Variants in ACTN2 observed in about 807,000 individuals in gnomAD.
ACTN2 encodes alpha-actinin-2.
A neutral mutation model predicts 113.8 loss-of-function variants in ACTN2; 39 were observed. The observed-to-expected ratio is 0.34, with a 90% CI of 0.27 to 0.45. The LOEUF (loss-of-function observed/expected upper bound fraction) is 0.45, where lower values mean the gene tolerates loss of function less well. Among genes scored for constraint, ACTN2 ranks in the 20% least tolerant of loss-of-function variants. The pLI is 1.00. For synonymous variants in ACTN2, 429 were observed against 444.1 expected, an observed-to-expected ratio of 0.97 and a Z score of 0.43; for missense variants, 992 against 1,177.9, an observed-to-expected ratio of 0.84 and a Z score of 2.31.
chr1:236,747,841 G>C, intron 13 of ACTN2, 66 bp downstream of exon 13: 2 of 1,204,640 alleles, frequency 1.7e-6, no homozygotes, highest in Non-Finnish European at 2.4e-6. Context: ...TAAATCACTG[G>C]TATTCATTGT....
chr1:236,733,140 A>G (rs1361496781), intron 7 of ACTN2, among the ~76,000 whole-genome samples: 2 of 152,206 alleles, frequency 1.3e-5, no homozygotes, highest in African/African-American at 4.8e-5. Context: ...AGCTAAGTTT[A>G]TATTTGTATG....
Position 236,744,776 on chromosome 1 carries a change from AG to A in ACTN2, c.1406+1del, listed in dbSNP as rs1460447963. On this transcript the variant is annotated splice_donor_variant, in intron 12 of 20. Coordinates refer to ENST00000366578, the MANE Select transcript of ACTN2 (RefSeq NM_001103.4). LOFTEE classifies it high-confidence loss of function. The stretch of plus-strand genomic sequence containing the variant: ...ATCGCAGCCATCGCGCAGGAGCTCA[AG>A]TATGTGCAGATGCCCTCCGTCCTCC... 1 of 1,613,998 alleles carries A rather than the reference AG, an allele frequency of 6.2e-7. No homozygotes were observed. The highest frequency in any genetic ancestry group is 8.5e-7 in the Non-Finnish European group (1 of 1,180,010).
intron 19 of ACTN2, 25 bp downstream of exon 19, chr1:236,759,814 T>G: frequency 1.9e-6 from 3 of 1,592,598 alleles, no homozygotes; most frequent in Non-Finnish European, 1.7e-6. Context: ...GAAATTGTAC[T>G]AAGATTTGAT....
intron 1 of ACTN2, among the ~76,000 whole-genome samples, chr1:236,695,212 C>CAAA (rs375917124): frequency 2.3e-5 from 3 of 129,974 alleles, no homozygotes; most frequent in East Asian, 2.2e-4. Flanking sequence ...ACTAAAAATA[C>CAAA]AAAAAAAAAA....
intron 9 of ACTN2, 101 bp downstream of exon 9, chr1:236,737,315 A>ATATGTATG (rs1428788821): frequency 3.4e-6 from 1 of 294,960 alleles, no homozygotes; most frequent in African/African-American, 2.3e-5. Flanking sequence ...ATATATATAT[A>ATATGTATG]TATTTTGCAT....
Position 236,746,165 on chromosome 1 carries a change from C to CAAA in ACTN2, c.1406+1405_1406+1407dup, listed in dbSNP as rs55953102. Among the ~76,000 whole-genome samples the CAAA allele has an allele frequency of 4.4e-3, 352 of 80,364 alleles. 2 individuals are homozygous for CAAA. Among genetic ancestry groups the CAAA allele is most frequent in the Middle Eastern group, 0.031 (4 of 130 alleles). The allele number at this position is 80,364 out of a possible 152,430, so 52.7% of individuals were successfully genotyped here. ...TGGGCGACAGAGCAAGACTCCATCTCAAAAAAAAAAAAAAAAAAGAAAGAA... is the reference window on the plus strand; with the variant it reads ...TGGGCGACAGAGCAAGACTCCATCTCAAAAAAAAAAAAAAAAAAAAAGAAAGAA... On this transcript the variant is annotated intron_variant, in intron 12 of 20. Coordinates refer to ENST00000366578, the MANE Select transcript of ACTN2 (RefSeq NM_001103.4).
intron 15 of ACTN2, among the ~76,000 whole-genome samples, chr1:236,752,529 T>G (rs1284103230): frequency 6.7e-6 from 1 of 149,218 alleles, no homozygotes; most frequent in Non-Finnish European, 1.5e-5. Flanking sequence ...GGAGGAAATA[T>G]ATCATTTTTT....
chr1:236,731,109 C>A, intron 6 of ACTN2, 124 bp from the exon 7 acceptor site: 1 of 695,984 alleles, frequency 1.4e-6, no homozygotes, highest in Non-Finnish European at 2.6e-6. Context: ...AGGAAAGTTA[C>A]ACTATTATGA....
intron 1 of ACTN2, among the ~76,000 whole-genome samples, chr1:236,708,307 C>G (rs1351672368): frequency 6.6e-6 from 1 of 152,150 alleles, no homozygotes; most frequent in East Asian, 1.9e-4. Context: ...TTGATTGTAG[C>G]ACAAGCAAAA....
At chr1:236,699,118 G>C (rs1256217767) in intron 1 of ACTN2, among the ~76,000 whole-genome samples, 1 of 152,202 alleles carries the variant, frequency 6.6e-6, no homozygotes, top group Non-Finnish European at 1.5e-5. Flanking sequence ...CTGCTTAACT[G>C]TAAGGGTCTT....
intron 17 of ACTN2, among the ~76,000 whole-genome samples, chr1:236,755,596 T>A (rs981746805): frequency 1.2e-4 from 18 of 151,956 alleles, no homozygotes; most frequent in African/African-American, 4.3e-4. Context: ...GAGTATATAC[T>A]GCAGAGTGCC....
intron 1 of ACTN2, among the ~76,000 whole-genome samples, chr1:236,689,434 G>A (rs1054315099): frequency 6.6e-6 from 1 of 151,180 alleles, no homozygotes; most frequent in East Asian, 1.9e-4. Context: ...ACAGTGGCAT[G>A]ATAATAGCTC....
At chr1:236,698,774 T>A (rs1054425738) in intron 1 of ACTN2, among the ~76,000 whole-genome samples, 9 of 152,264 alleles carry the variant, frequency 5.9e-5, no homozygotes, top group African/African-American at 2.2e-4. Context: ...TTATTCCTAG[T>A]ATCCCAAATG....
intron 7 of ACTN2, chr1:236,734,571 T>A: frequency 7.5e-7 from 1 of 1,337,798 alleles, no homozygotes; most frequent in African/African-American, 1.5e-5. Flanking sequence ...TGTGTCTTAA[T>A]TTTTTTTCAA....
At chr1:236,711,572 A>AGTGATC (rs1466791319) in intron 1 of ACTN2, among the ~76,000 whole-genome samples, 1 of 151,672 alleles carries the variant, frequency 6.6e-6, no homozygotes, top group Admixed American at 6.6e-5. Context: ...CTGGTCTTGA[A>AGTGATC]CTCCTGGCCT....
At chr1:236,738,640 A>G (rs1658966079) in intron 9 of ACTN2, among the ~76,000 whole-genome samples, 3 of 152,212 alleles carry the variant, frequency 2.0e-5, no homozygotes. Context: ...TCATTTTCCA[A>G]GTGCTCAGTA....
At chr1:236,742,852 G>T in intron 10 of ACTN2, 44 bp from the exon 11 acceptor site, 2 of 1,612,814 alleles carry the variant, frequency 1.2e-6, no homozygotes, top group African/African-American at 2.7e-5. Context: ...TGTAACGAAG[G>T]TGCTTGTTAC....
chr1:236,721,015 G>GGGTT, intron 4 of ACTN2, among the ~76,000 whole-genome samples: 13 of 49,136 alleles, frequency 2.6e-4, no homozygotes, highest in Non-Finnish European at 3.4e-4. Context: ...TCTGGTTTTT[G>GGGTT]TTTTTTGTTT....
chr1:236,695,563 T>TGCCCCCCC (rs1553296741), intron 1 of ACTN2, among the ~76,000 whole-genome samples: 1 of 100,796 alleles, frequency 9.9e-6, no homozygotes, highest in Non-Finnish European at 1.9e-5. Flanking sequence ...TGAAATGAGT[T>TGCCCCCCC]CCCCCCCCCT....
Sources: allele counts gnomAD v4.1 joint callset (sites outside exome capture counted in the v4.1 genomes callset), GRCh38; gene constraint gnomAD v4.1.1; transcripts MANE v1.5; gene names NCBI Gene and HGNC (gene_info 2026-07-23, HGNC 2026-07-21).